The following DRC8 variants were observed in gnomAD, a reference collection of about 807,000 sequenced individuals.
DRC8 encodes dynein regulatory complex subunit 8.
At chr1:245,050,144 TG>T in the DRC8 span, among the ~76,000 whole-genome samples, 1 of 152,316 alleles carries the variant, frequency 6.6e-6, no homozygotes, top group South Asian at 2.1e-4. Flanking sequence ...CTAGAGAAGA[TG>T]TTCATTCTTG....
the DRC8 span, among the ~76,000 whole-genome samples, chr1:245,056,764 C>T: frequency 4.6e-5 from 7 of 151,818 alleles, no homozygotes; most frequent in South Asian, 2.1e-4. Flanking sequence ...GGTGAGACCC[C>T]ATCTCTACTA....
the DRC8 span, among the ~76,000 whole-genome samples, chr1:244,994,011 C>T: frequency 6.6e-6 from 1 of 151,970 alleles, no homozygotes; most frequent in East Asian, 1.9e-4. Context: ...ACACAGGAGT[C>T]GTGGTTCATA....
the DRC8 span, chr1:245,002,297 G>A: frequency 7.3e-7 from 1 of 1,361,564 alleles, no homozygotes. Flanking sequence ...TCTGCCTCCA[G>A]CCTTGCTTCC....
At chr1:245,053,318 G>A in the DRC8 span, among the ~76,000 whole-genome samples, 1 of 152,216 alleles carries the variant, frequency 6.6e-6, no homozygotes, top group South Asian at 2.1e-4. Flanking sequence ...CCAAGGCTTA[G>A]TGCAGTCTCT....
the DRC8 span, among the ~76,000 whole-genome samples, chr1:245,041,330 C>T: frequency 1.1e-4 from 17 of 152,030 alleles, no homozygotes; most frequent in South Asian, 2.1e-4. Context: ...AGAAGTTTCT[C>T]GGTGCAGTTG....
At chr1:244,969,946 G>A in the DRC8 span, 2 of 501,480 alleles carry the variant, frequency 4.0e-6, no homozygotes, top group Non-Finnish European at 3.5e-6. Context: ...TGGGAGCCCA[G>A]CTCTTCACCT....
the DRC8 span, among the ~76,000 whole-genome samples, chr1:244,996,287 G>T: frequency 6.6e-6 from 1 of 151,970 alleles, no homozygotes; most frequent in Admixed American, 6.6e-5. Context: ...TAAGAGGGGT[G>T]TGGGGGGGCC....
At chr1:245,086,817 G>T in the DRC8 span, 4 of 533,586 alleles carry the variant, frequency 7.5e-6, no homozygotes, top group African/African-American at 1.9e-5. Context: ...CTCAGAGCTC[G>T]TGAGAGGCAG....
chr1:245,066,682 C>T, the DRC8 span, among the ~76,000 whole-genome samples: 11 of 152,050 alleles, frequency 7.2e-5, no homozygotes, highest in South Asian at 1.9e-3. Context: ...CCGAGGTGGG[C>T]GGATCATAAG....
At chr1:245,096,763 T>C in the DRC8 span, among the ~76,000 whole-genome samples, 2 of 152,228 alleles carry the variant, frequency 1.3e-5, no homozygotes, top group African/African-American at 4.8e-5. Context: ...TAGAATGAGA[T>C]GGCTTGAGGC....
the DRC8 span, among the ~76,000 whole-genome samples, chr1:245,039,826 G>A: frequency 1.3e-5 from 2 of 152,156 alleles, no homozygotes; most frequent in Non-Finnish European, 2.9e-5. Flanking sequence ...TTTTTGGCGA[G>A]AATACTACAC....
the DRC8 span, among the ~76,000 whole-genome samples, chr1:244,996,971 C>T: frequency 6.6e-6 from 1 of 152,126 alleles, no homozygotes; most frequent in Non-Finnish European, 1.5e-5. Flanking sequence ...ATAACCTATG[C>T]ACATCTTCTT....
the DRC8 span, among the ~76,000 whole-genome samples, chr1:245,009,089 G>A: frequency 1.1e-3 from 143 of 131,768 alleles, no homozygotes; most frequent in African/African-American, 3.9e-3. Context: ...GGGCTGGAGT[G>A]CAGTGGCACC....
chr1:245,033,430 C>T, the DRC8 span, among the ~76,000 whole-genome samples: 2 of 152,200 alleles, frequency 1.3e-5, no homozygotes, highest in South Asian at 2.1e-4. Flanking sequence ...GATGAAATAC[C>T]TTCTCCCACA....
At chr1:245,090,417 T>C in the DRC8 span, among the ~76,000 whole-genome samples, 1 of 152,224 alleles carries the variant, frequency 6.6e-6, no homozygotes, top group African/African-American at 2.4e-5. Flanking sequence ...TGTGTTATTA[T>C]GTGAATAAAT....
the DRC8 span, among the ~76,000 whole-genome samples, chr1:244,990,814 G>GTT: frequency 6.8e-6 from 1 of 146,282 alleles, no homozygotes; most frequent in Non-Finnish European, 1.5e-5. Context: ...TGTGGGTGGT[G>GTT]TTTTTTTTTT....
At chr1:245,016,975 T>C in the DRC8 span, among the ~76,000 whole-genome samples, 3 of 152,208 alleles carry the variant, frequency 2.0e-5, no homozygotes, top group Non-Finnish European at 4.4e-5. Flanking sequence ...TCCATGAGTA[T>C]ATGCGTATGT....
the DRC8 span, among the ~76,000 whole-genome samples, chr1:245,064,254 A>C: frequency 6.6e-6 from 1 of 152,202 alleles, no homozygotes; most frequent in South Asian, 2.1e-4. Context: ...GAAGGTCCTC[A>C]TCAGATCCAA....
chr1:244,972,830 AC>A, the DRC8 span, among the ~76,000 whole-genome samples: 12 of 151,946 alleles, frequency 7.9e-5, no homozygotes, highest in African/African-American at 2.4e-4. Context: ...AAAAAAAAAA[AC>A]AAAAACAAAA....
Sources: allele counts gnomAD v4.1 joint callset (sites outside exome capture counted in the v4.1 genomes callset), GRCh38; gene constraint gnomAD v4.1.1; transcripts MANE v1.5; gene names NCBI Gene and HGNC (gene_info 2026-07-23, HGNC 2026-07-21).